Variants in PDE4D observed in about 807,000 individuals in gnomAD.
PDE4D encodes the protein 3',5'-cyclic-AMP phosphodiesterase 4D.
Under a neutral mutation model 87.4 loss-of-function variants are expected in PDE4D, and 24 were observed. The observed-to-expected ratio is 0.27, with a 90% confidence interval of 0.20 to 0.39. The LOEUF is 0.39. PDE4D is among the 10% of genes least tolerant of loss of function. PDE4D has a pLI of 1.00. For synonymous variants in PDE4D, 384 were observed against 383.2 expected (o/e 1.00, Z -0.02); for missense variants, 714 against 1,041.0 (o/e 0.69, Z 4.32).
intron 5 of PDE4D, among the ~76,000 whole-genome samples, chr5:59,154,575 T>TA (rs1171328707): frequency 7.2e-5 from 11 of 152,100 alleles, no homozygotes; most frequent in African/African-American, 2.7e-4. Context: ...TCAATAGTTA[T>TA]AAAATAAAAT....
At position 59,221,125 on chromosome 5, in the gene PDE4D, T is replaced by C. The variant is rs547035601; in HGVS notation, c.456-5157A>G. On this transcript the variant is annotated intron_variant, in intron 1 of 14. Coordinates refer to ENST00000340635, the MANE Select transcript of PDE4D (RefSeq NM_001104631.2). ...GAGGCATAGACAAGTGACTCTATGT[T>C]CAGTAGTATGCTCAAGCTCATAAGT... Among the ~76,000 whole-genome samples, 10 of 152,222 alleles carry C rather than the reference T, an allele frequency of 6.6e-5. No homozygotes were observed. The South Asian group carries it at 8.3e-4, about 13-fold the overall frequency.
chr5:60,282,727 A>G (rs1288836635), intron 1 of PDE4D, among the ~76,000 whole-genome samples: 1 of 152,146 alleles, frequency 6.6e-6, no homozygotes, highest in East Asian at 1.9e-4. Context: ...GACAGGTTCC[A>G]AGGGTTAAGA....
At chr5:59,426,909 T>C (rs185832773) in intron 1 of PDE4D, among the ~76,000 whole-genome samples, 156 of 152,098 alleles carry the variant, frequency 1.0e-3, no homozygotes, top group Admixed American at 2.3e-3. Context: ...TACATTTTCT[T>C]ACAGTTGCAG....
At chr5:60,086,841 G>T (rs1323896164) in intron 2 of PDE4D, among the ~76,000 whole-genome samples, 2 of 152,220 alleles carry the variant, frequency 1.3e-5, no homozygotes, top group African/African-American at 4.8e-5. Flanking sequence ...AGACTGGCAT[G>T]CAGATCTAGG....
intron 3 of PDE4D, among the ~76,000 whole-genome samples, chr5:59,945,677 T>A (rs984417210): frequency 3.9e-5 from 6 of 152,214 alleles, no homozygotes; most frequent in African/African-American, 1.4e-4. Context: ...TTAGAGACCT[T>A]GATAAGACAT....
At chr5:59,710,117 C>A (rs537250387) in intron 1 of PDE4D, among the ~76,000 whole-genome samples, 1 of 152,234 alleles carries the variant, frequency 6.6e-6, no homozygotes, top group South Asian at 2.1e-4. Context: ...AATTATACAA[C>A]GAACCAGAAC....
At chr5:59,577,723 G>A (rs950012117) in intron 1 of PDE4D, among the ~76,000 whole-genome samples, 1 of 152,022 alleles carries the variant, frequency 6.6e-6, no homozygotes, top group African/African-American at 2.4e-5. Flanking sequence ...CAATAATAGC[G>A]GAAGCTCTGC....
At chr5:60,034,362 T>C (rs1462758144) in intron 2 of PDE4D, among the ~76,000 whole-genome samples, 1 of 152,220 alleles carries the variant, frequency 6.6e-6, no homozygotes, top group African/African-American at 2.4e-5. Flanking sequence ...GATTAATTGC[T>C]TCTGGAGATG....
At chr5:59,656,510 A>G (rs934982066) in intron 1 of PDE4D, among the ~76,000 whole-genome samples, 3 of 152,222 alleles carry the variant, frequency 2.0e-5, no homozygotes, top group Non-Finnish European at 4.4e-5. Context: ...CTGACCAGAA[A>G]GCAGTTATAG....
intron 1 of PDE4D, among the ~76,000 whole-genome samples, chr5:59,495,202 T>C (rs1016854395): frequency 1.3e-5 from 2 of 152,210 alleles, no homozygotes; most frequent in African/African-American, 4.8e-5. Context: ...TTTCTCCTGA[T>C]GGCACACTCT....
At chr5:59,951,438 C>T (rs2152804624) in intron 3 of PDE4D, among the ~76,000 whole-genome samples, 1 of 152,244 alleles carries the variant, frequency 6.6e-6, no homozygotes, top group Non-Finnish European at 1.5e-5. Context: ...CCATCATTTC[C>T]TCTTAAAAAA....
chr5:59,542,633 A>C (rs1173808467), intron 1 of PDE4D, among the ~76,000 whole-genome samples: 1 of 152,204 alleles, frequency 6.6e-6, no homozygotes. Flanking sequence ...CATAATATAT[A>C]TTTCTAAATT....
chr5:59,389,066 T>G (rs1787704529), intron 1 of PDE4D, among the ~76,000 whole-genome samples: 3 of 151,874 alleles, frequency 2.0e-5, no homozygotes, highest in African/African-American at 7.2e-5. Context: ...CGCAGGGGAG[T>G]TGGTGAAGCC....
intron 1 of PDE4D, among the ~76,000 whole-genome samples, chr5:59,835,697 G>C (rs750668411): frequency 4.6e-5 from 7 of 151,948 alleles, no homozygotes; most frequent in Non-Finnish European, 5.9e-5. Context: ...CCTTTCTCAG[G>C]GTAGGTGCCC....
chr5:60,516,560 G>A (rs1354702935), intron 1 of PDE4D, among the ~76,000 whole-genome samples: 2 of 152,236 alleles, frequency 1.3e-5, no homozygotes, highest in Non-Finnish European at 2.9e-5. Flanking sequence ...GAGGTGAGGA[G>A]AGCCACTTTA....
intron 1 of PDE4D, among the ~76,000 whole-genome samples, chr5:60,468,703 TTTGCAAAGATGGGGATCTTACTATG>T (rs1317477259): frequency 2.6e-5 from 4 of 152,060 alleles, no homozygotes; most frequent in Non-Finnish European, 4.4e-5. Flanking sequence ...TTTTTTCCTT[TTTGCAAAGATGGGGATCTTACTATG>T]TTGCCCAGGC....
At chr5:59,161,698 C>T (rs945197033) in intron 5 of PDE4D, among the ~76,000 whole-genome samples, 1 of 152,144 alleles carries the variant, frequency 6.6e-6, no homozygotes, top group African/African-American at 2.4e-5. Flanking sequence ...AGGGTGCAGG[C>T]GTGCTTCAAA....
chr5:59,265,027 A>T (rs550231012), intron 1 of PDE4D, among the ~76,000 whole-genome samples: 5 of 152,134 alleles, frequency 3.3e-5, no homozygotes, highest in Admixed American at 1.3e-4. Flanking sequence ...GGGAGATAAT[A>T]ATCTGTGAAT....
chr5:59,249,615 A>G (rs1759525338), intron 1 of PDE4D, among the ~76,000 whole-genome samples: 1 of 152,178 alleles, frequency 6.6e-6, no homozygotes, highest in Non-Finnish European at 1.5e-5. Context: ...GTATCCATAT[A>G]AGTAATGTTT....
Sources: allele counts gnomAD v4.1 joint callset (sites outside exome capture counted in the v4.1 genomes callset), GRCh38; gene constraint gnomAD v4.1.1; transcripts MANE v1.5; gene names NCBI Gene and HGNC (gene_info 2026-07-23, HGNC 2026-07-21).